CNBD1: variants seen among roughly 807,000 people sequenced by gnomAD.
CNBD1 encodes cyclic nucleotide-binding domain-containing protein 1.
In CNBD1, 71 loss-of-function variants were observed where a neutral mutation model predicts 54.4. The observed-to-expected ratio is 1.30, with a 90% CI of 1.08 to 1.59. The LOEUF is 1.59. Among genes scored for constraint, CNBD1 ranks in the 40% most tolerant of loss-of-function variants. The probability of loss-of-function intolerance (pLI) is 0.00; values close to 1 mark genes in which losing one functional copy is unlikely to be tolerated. For synonymous variants in CNBD1, 182 were observed against 170.7 expected (o/e 1.07, Z -0.51); for missense variants, 659 against 518.0 (o/e 1.27, Z -2.64).
intron 4 of CNBD1, among the ~76,000 whole-genome samples, chr8:87,009,985 C>G (rs1223686624): frequency 6.6e-6 from 1 of 152,088 alleles, no homozygotes; most frequent in African/African-American, 2.4e-5. Flanking sequence ...GAAATGTCAC[C>G]TAATAGTTTT....
intron 2 of CNBD1, among the ~76,000 whole-genome samples, chr8:87,406,647 T>A (rs1487262793): frequency 6.6e-6 from 1 of 151,930 alleles, no homozygotes; most frequent in African/African-American, 2.4e-5. Context: ...GCCCATCTAA[T>A]TTTTGTATTT....
chr8:87,103,262 G>T (rs1347420032), intron 4 of CNBD1, among the ~76,000 whole-genome samples: 2 of 151,932 alleles, frequency 1.3e-5, no homozygotes, highest in Non-Finnish European at 2.9e-5. Context: ...GGAATGGAAG[G>T]TCTACAAAAA....
At chr8:87,337,496 G>T (rs568906393) in intron 8 of CNBD1, among the ~76,000 whole-genome samples, 35 of 152,320 alleles carry the variant, frequency 2.3e-4, no homozygotes, top group Non-Finnish European at 3.7e-4. Flanking sequence ...GGCAGCTTCA[G>T]CAGTGGTGAT....
chr8:87,419,451 A>T lies in CNBD1; in HGVS notation c.214-9095A>T, dbSNP rs546368445. Reference sequence around the variant, plus strand: ...AAGGCGTGAATTTTATTGTGTGTATATCTTAATAAAAGACAATAAGAATGC... The same window carrying T: ...AAGGCGTGAATTTTATTGTGTGTATTTCTTAATAAAAGACAATAAGAATGC... On this transcript the variant is annotated intron_variant, in intron 2 of 7. Transcript: ENST00000521593. Among the ~76,000 whole-genome samples, 21 of 152,032 alleles carry T rather than the reference A, an allele frequency of 1.4e-4. No homozygotes were observed. In the South Asian group the frequency reaches 4.4e-3, roughly 32 times the overall value.
At chr8:86,939,550 T>C in intron 3 of CNBD1, 46 bp from the exon 4 acceptor site, 2 of 1,332,014 alleles carry the variant, frequency 1.5e-6, no homozygotes, top group Non-Finnish European at 1.0e-6. Flanking sequence ...GTAAATAATT[T>C]TTATGCAGTA....
intron 4 of CNBD1, among the ~76,000 whole-genome samples, chr8:86,990,408 A>G (rs898557337): frequency 2.0e-5 from 3 of 152,168 alleles, no homozygotes; most frequent in Non-Finnish European, 4.4e-5. Flanking sequence ...TTTTCTGCAT[A>G]TGGACATACA....
intron 4 of CNBD1, among the ~76,000 whole-genome samples, chr8:87,064,195 A>G (rs1005921833): frequency 6.6e-6 from 1 of 152,066 alleles, no homozygotes; most frequent in African/African-American, 2.4e-5. Context: ...CCTTTATTAC[A>G]GACGTTAGTC....
chr8:87,054,825 C>A (rs2130628999), intron 4 of CNBD1, among the ~76,000 whole-genome samples: 1 of 152,298 alleles, frequency 6.6e-6, no homozygotes, highest in East Asian at 1.9e-4. Context: ...TTGATTGGAA[C>A]ACAGCCAACA....
chr8:87,180,559 G>T (rs1485372408), intron 4 of CNBD1, among the ~76,000 whole-genome samples: 1 of 152,014 alleles, frequency 6.6e-6, no homozygotes, highest in Admixed American at 6.6e-5. Context: ...TAACTCCGGA[G>T]GTGGTGTGAG....
intron 3 of CNBD1, among the ~76,000 whole-genome samples, chr8:86,928,249 T>C (rs1809397328): frequency 6.6e-6 from 1 of 152,142 alleles, no homozygotes; most frequent in African/African-American, 2.4e-5. Flanking sequence ...TGTGAGAAAA[T>C]GTCATCCATA....
intron 2 of CNBD1, among the ~76,000 whole-genome samples, chr8:87,415,515 G>C (rs1364597732): frequency 6.6e-6 from 1 of 151,950 alleles, no homozygotes; most frequent in African/African-American, 2.4e-5. Flanking sequence ...GTAATTCTTT[G>C]AGCCTCATCA....
chr8:87,366,569 C>G (rs1437783831), intron 10 of CNBD1, among the ~76,000 whole-genome samples: 1 of 152,034 alleles, frequency 6.6e-6, no homozygotes, highest in African/African-American at 2.4e-5. Flanking sequence ...AAGGTTAACT[C>G]GTTAGTATCC....
Position 87,250,271 on chromosome 8 carries a change from G to A in CNBD1, c.771+13159G>A, listed in dbSNP as rs572254971. ...AAGAAATGCAAATCAAAACTCCAAC[G>A]ATATGTTATCTCACTCCAATTAAAA... On this transcript the variant is annotated intron_variant, in intron 6 of 10. Transcript: ENST00000518476. 2.5e-4 allele frequency among the ~76,000 whole-genome samples: 38 copies of A among 152,216 alleles called. No homozygotes were observed. The South Asian group carries it at 5.0e-3, about 20-fold the overall frequency.
chr8:87,416,653 C>T (rs747669430), intron 2 of CNBD1, among the ~76,000 whole-genome samples: 1 of 152,038 alleles, frequency 6.6e-6, no homozygotes, highest in Non-Finnish European at 1.5e-5. Context: ...TGTTATATGA[C>T]TCAGTCCACC....
At chr8:87,150,416 A>G (rs1246471426) in intron 4 of CNBD1, among the ~76,000 whole-genome samples, 1 of 152,192 alleles carries the variant, frequency 6.6e-6, no homozygotes, top group African/African-American at 2.4e-5. Flanking sequence ...AAGCTAAACC[A>G]TATTAGATTA....
At chr8:86,949,124 C>G (rs1807542283) in intron 4 of CNBD1, among the ~76,000 whole-genome samples, 1 of 152,018 alleles carries the variant, frequency 6.6e-6, no homozygotes, top group South Asian at 2.1e-4. Flanking sequence ...TGTTTTTATG[C>G]CAGTAACATG....
intron 6 of CNBD1, among the ~76,000 whole-genome samples, chr8:87,245,477 C>CCCT (rs10653739): frequency 6.6e-6 from 1 of 151,280 alleles, no homozygotes; most frequent in Non-Finnish European, 1.5e-5. Context: ...TACATCTTCC[C>CCCT]ATTTTTTTAA....
rs1420815806 is a variant in CNBD1, at chr8:87,183,381, G to GT, written c.432-22609dup. ...TTGTTTGTTTGTTTGTTTTTGCGCT[G>GT]TTTGTTTTTTTTTTTTTTTTTTGCT... On this transcript the variant is annotated intron_variant, in intron 4 of 10. Coordinates refer to ENST00000518476, the MANE Select transcript of CNBD1 (RefSeq NM_173538.3). 6.8e-5 allele frequency among the ~76,000 whole-genome samples: 5 copies of GT among 73,428 alleles called. No homozygotes were observed. In the East Asian group the frequency reaches 1.5e-3, roughly 22 times the overall value. 48.2% of individuals were successfully genotyped at this position (73,428 alleles called of 152,430 possible).
At chr8:86,968,513 T>C (rs1398402298) in intron 4 of CNBD1, among the ~76,000 whole-genome samples, 3 of 152,112 alleles carry the variant, frequency 2.0e-5, no homozygotes, top group Non-Finnish European at 4.4e-5. Flanking sequence ...TCTCAATCAT[T>C]TTAGGAGGTT....
Sources: allele counts gnomAD v4.1 joint callset (sites outside exome capture counted in the v4.1 genomes callset), GRCh38; gene constraint gnomAD v4.1.1; transcripts MANE v1.5; gene names NCBI Gene and HGNC (gene_info 2026-07-23, HGNC 2026-07-21).